Variants in ANKRD30B observed in about 807,000 individuals in gnomAD.
ANKRD30B encodes ankyrin repeat domain-containing protein 30B.
Under a neutral mutation model 202.2 loss-of-function variants are expected in ANKRD30B, and 144 were observed. The observed-to-expected ratio is 0.71, with a 90% CI of 0.62 to 0.82. The LOEUF (loss-of-function observed/expected upper bound fraction) is 0.82. Among genes scored for constraint, ANKRD30B ranks in the 40% least tolerant of loss-of-function variants. The pLI is 0.00. For synonymous variants in ANKRD30B, 508 were observed against 561.3 expected (o/e 0.91, Z 1.34); for missense variants, 1,487 against 1,669.1 (o/e 0.89, Z 1.90).
chr18:14,892,363 A>G, the ANKRD30B span, among the ~76,000 whole-genome samples: 3 of 152,312 alleles, frequency 2.0e-5, no homozygotes, highest in South Asian at 2.1e-4. Context: ...TGTCATGACA[A>G]TAAGTTCATA....
chr18:14,824,756 C>T (rs117786455), intron 32 of ANKRD30B, among the ~76,000 whole-genome samples: 2 of 152,236 alleles, frequency 1.3e-5, no homozygotes, highest in African/African-American at 2.4e-5. Context: ...ATAAACCAGA[C>T]ATTGGCAAAC....
chr18:14,797,091 G>C (rs1409692875), intron 18 of ANKRD30B, among the ~76,000 whole-genome samples: 6 of 152,136 alleles, frequency 3.9e-5, no homozygotes, highest in Admixed American at 6.5e-5. Context: ...TGTGAAGCTA[G>C]ACAACTGGGT....
downstream of ANKRD30B, among the ~76,000 whole-genome samples, chr18:14,858,717 C>A (rs1972138160): frequency 6.8e-6 from 1 of 147,590 alleles, no homozygotes; most frequent in African/African-American, 2.5e-5. Flanking sequence ...CTCCTCACCT[C>A]CCAGACGGGG....
At chr18:14,755,040 T>A in intron 4 of ANKRD30B, 35 bp downstream of exon 4, 10 of 1,198,100 alleles carry the variant, frequency 8.3e-6, no homozygotes, top group African/African-American at 1.6e-5. Flanking sequence ...AAAAAACACT[T>A]GACTAGTGTT....
In ANKRD30B at chr18:14,803,666, G is replaced by T. The variant is rs1354669059; in HGVS notation, c.2194-68G>T. 3 of 1,481,866 alleles carry T rather than the reference G, an allele frequency of 2.0e-6. No individual in the cohort carries two copies. In the Admixed American group the frequency reaches 6.0e-5, roughly 30 times the overall value. 91.8% of individuals were successfully genotyped at this position (1,481,866 alleles called of 1,614,324 possible). ...TGTTTTTAGAAAAGATTTTAATTAGGAACTTTTGATACTCCTCATTATTGG... is the reference window on the plus strand; with the variant it reads ...TGTTTTTAGAAAAGATTTTAATTAGTAACTTTTGATACTCCTCATTATTGG... On this transcript the variant is annotated intron_variant, in intron 23 of 43. Coordinates refer to ENST00000690538, the MANE Select transcript of ANKRD30B (RefSeq NM_001367607.2).
the ANKRD30B span, among the ~76,000 whole-genome samples, chr18:14,879,521 A>C: frequency 6.6e-6 from 1 of 152,316 alleles, no homozygotes; most frequent in East Asian, 1.9e-4. Context: ...GACATAGTCA[A>C]TACAAATGTA....
At chr18:14,831,680 A>T (rs1463574949) in intron 34 of ANKRD30B, among the ~76,000 whole-genome samples, 1 of 152,100 alleles carries the variant, frequency 6.6e-6, no homozygotes, top group East Asian at 1.9e-4. Context: ...ATGATTGGTA[A>T]ATACTCTGAG....
In ANKRD30B at chr18:14,799,140, T is replaced by C; in HGVS notation, c.2058+11T>C. Reference sequence around the variant, plus strand: ...GATGGTCTTCTGAAGGTAATAACTTTTATATTTTTATCTTGAATATTACCT... The same window carrying C: ...GATGGTCTTCTGAAGGTAATAACTTCTATATTTTTATCTTGAATATTACCT... On this transcript the variant is annotated intron_variant, in intron 21 of 43. Coordinates refer to ENST00000690538, the MANE Select transcript of ANKRD30B (RefSeq NM_001367607.2). 1 of 1,585,194 alleles carries C rather than the reference T, an allele frequency of 6.3e-7. No homozygotes were observed. Among genetic ancestry groups the C allele is most frequent in the Non-Finnish European group, 8.6e-7 (1 of 1,156,778 alleles).
the ANKRD30B span, among the ~76,000 whole-genome samples, chr18:14,901,861 G>A: frequency 1.3e-5 from 2 of 152,144 alleles, no homozygotes; most frequent in Non-Finnish European, 2.9e-5. Context: ...TAAACCTTTG[G>A]AAGAACTGGC....
At chr18:14,819,586 G>C (rs1177129436) in intron 30 of ANKRD30B, among the ~76,000 whole-genome samples, 1 of 152,068 alleles carries the variant, frequency 6.6e-6, no homozygotes, top group Admixed American at 6.6e-5. Context: ...CATATGGCTC[G>C]CCAGTTTTCC....
At chr18:14,929,318 C>A in the ANKRD30B span, among the ~76,000 whole-genome samples, 4 of 152,154 alleles carry the variant, frequency 2.6e-5, no homozygotes, top group Non-Finnish European at 4.4e-5. Flanking sequence ...TTCCCTGACA[C>A]CCCTGAGAAT....
intron 24 of ANKRD30B, among the ~76,000 whole-genome samples, chr18:14,804,730 A>G (rs1476438678): frequency 6.6e-6 from 1 of 150,920 alleles, no homozygotes; most frequent in Non-Finnish European, 1.5e-5. Context: ...GCAATGGAAT[A>G]GAAATTGTAG....
At chr18:14,754,519 G>C (rs542763036) in intron 3 of ANKRD30B, among the ~76,000 whole-genome samples, 2 of 152,218 alleles carry the variant, frequency 1.3e-5, no homozygotes, top group East Asian at 3.9e-4. Context: ...CACTGCTCTA[G>C]AGGTAATATT....
chr18:14,815,892 T>TTGGCATACC (rs1253104221), intron 30 of ANKRD30B, among the ~76,000 whole-genome samples: 1 of 152,164 alleles, frequency 6.6e-6, no homozygotes, highest in Non-Finnish European at 1.5e-5. Flanking sequence ...TACAAAAATG[T>TTGGCATACC]TGGCATACCG....
At position 14,791,416 on chromosome 18, in the gene ANKRD30B, G is replaced by A; in HGVS notation, c.1750G>A (p.Val584Ile). The change falls in exon 16 of 44, where the codon GTT (valine) becomes ATT (isoleucine). Residue 584 changes from valine (V) to isoleucine (I), a missense_variant. Val to Ile is a conservative substitution (Grantham distance 29). Coordinates refer to ENST00000690538, the MANE Select transcript of ANKRD30B (RefSeq NM_001367607.2). ...CTTTTAACAGAGTCCCTGTGAGACG[G>A]TTTCACAGAAGGATGTGTATTTACC... Reference protein sequence around the residue: ...SWDSESPCETVSQKDVYLPKA... With the variant: ...SWDSESPCETISQKDVYLPKA... 1 of 1,607,918 alleles carries A rather than the reference G, an allele frequency of 6.2e-7. No individual in the cohort carries two copies. The highest frequency in any genetic ancestry group is 8.5e-7 in the Non-Finnish European group (1 of 1,177,910).
the ANKRD30B span, among the ~76,000 whole-genome samples, chr18:14,904,558 T>C: frequency 5.3e-5 from 8 of 152,182 alleles, no homozygotes; most frequent in South Asian, 2.1e-4. Context: ...CCCCATTTGC[T>C]GTCCTCTACT....
intron 30 of ANKRD30B, among the ~76,000 whole-genome samples, chr18:14,817,785 A>G (rs1489671786): frequency 6.6e-6 from 1 of 152,218 alleles, no homozygotes; most frequent in East Asian, 1.9e-4. Context: ...TAAAGTTTAA[A>G]GATATTAATG....
At chr18:14,873,520 G>A in the ANKRD30B span, among the ~76,000 whole-genome samples, 121 of 78,698 alleles carry the variant, frequency 1.5e-3, no homozygotes, top group African/African-American at 6.3e-3. Context: ...GCAAGACTCC[G>A]TTTCAAAAAA....
intron 18 of ANKRD30B, among the ~76,000 whole-genome samples, chr18:14,797,212 C>T (rs551515839): frequency 1.3e-5 from 2 of 152,188 alleles, no homozygotes; most frequent in African/African-American, 2.4e-5. Context: ...ACAGGTACCC[C>T]CCCATGCGTC....
Sources: allele counts gnomAD v4.1 joint callset (sites outside exome capture counted in the v4.1 genomes callset), GRCh38; gene constraint gnomAD v4.1.1; transcripts MANE v1.5; gene names NCBI Gene and HGNC (gene_info 2026-07-23, HGNC 2026-07-21).